DGKI: variants seen among roughly 807,000 people sequenced by gnomAD.
DGKI encodes DAG kinase iota.
In DGKI, 55 loss-of-function variants were observed where a neutral mutation model predicts 147.5. The ratio of observed to expected loss-of-function variants is 0.37; its 90% CI spans 0.30 to 0.47. The LOEUF (loss-of-function observed/expected upper bound fraction) is 0.47, where lower values mean the gene tolerates loss of function less well. Among genes scored for constraint, DGKI ranks in the 20% least tolerant of loss-of-function variants. The probability of loss-of-function intolerance (pLI) is 1.00; values close to 1 mark genes in which losing one functional copy is unlikely to be tolerated. For missense variants in DGKI, 1,007 were observed against 1,323.8 expected (o/e 0.76, Z 3.71); for synonymous variants, 469 against 477.1 (o/e 0.98, Z 0.22).
intron 1 of DGKI, among the ~76,000 whole-genome samples, chr7:137,841,523 T>C (rs1798543486): frequency 6.6e-6 from 1 of 152,232 alleles, no homozygotes; most frequent in Non-Finnish European, 1.5e-5. Flanking sequence ...GTCCCAAAAC[T>C]AGTTACAGGA....
At chr7:137,563,726 T>C (rs1818492671) in intron 19 of DGKI, among the ~76,000 whole-genome samples, 1 of 152,080 alleles carries the variant, frequency 6.6e-6, no homozygotes, top group Non-Finnish European at 1.5e-5. Context: ...GAAATAAATT[T>C]AACAAAAGGT....
chr7:137,539,799 G>A (rs1817629467), intron 20 of DGKI, among the ~76,000 whole-genome samples: 1 of 151,916 alleles, frequency 6.6e-6, no homozygotes, highest in African/African-American at 2.4e-5. Flanking sequence ...AAGAAAGTTA[G>A]TAAAACAAAA....
At chr7:137,642,140 G>A (rs1821650794) in intron 6 of DGKI, among the ~76,000 whole-genome samples, 1 of 152,156 alleles carries the variant, frequency 6.6e-6, no homozygotes, top group Non-Finnish European at 1.5e-5. Flanking sequence ...TGCCTCTCAA[G>A]TTTTACTCTC....
rs1816670986 is a variant in DGKI, at chr7:137,514,122, C to T, written c.2248+7744G>A. Among the ~76,000 whole-genome samples the T allele has an allele frequency of 1.3e-5, 2 of 152,048 alleles. 1 individual carries two copies. The highest frequency in any genetic ancestry group is 1.3e-4 in the Admixed American group (2 of 15,250). On this transcript the variant is annotated intron_variant, in intron 21 of 32. Transcript: ENST00000614521. ...CCCACCTTGCTCATGAACAAAATGC[C>T]CATGTTGGTCCTCTGCCCTGGACCT... is the stretch of plus-strand genomic sequence containing the variant.
At chr7:137,631,100 C>T (rs183919032) in intron 6 of DGKI, among the ~76,000 whole-genome samples, 7 of 152,102 alleles carry the variant, frequency 4.6e-5, no homozygotes, top group African/African-American at 1.4e-4. Context: ...ATAATCTTGC[C>T]GATGGTGTGA....
At chr7:137,787,028 G>A (rs570335751) in intron 1 of DGKI, among the ~76,000 whole-genome samples, 20 of 152,154 alleles carry the variant, frequency 1.3e-4, no homozygotes, top group African/African-American at 4.8e-4. Context: ...GATTATAGAA[G>A]ACAACATTGG....
intron 5 of DGKI, 88 bp downstream of exon 5, chr7:137,654,644 T>A: frequency 1.0e-6 from 1 of 991,238 alleles, no homozygotes; most frequent in Non-Finnish European, 1.6e-6. Context: ...ATAGAATTTA[T>A]TTTTTATTCC....
At chr7:137,405,525 G>A (rs1319204780) in intron 30 of DGKI, among the ~76,000 whole-genome samples, 2 of 152,208 alleles carry the variant, frequency 1.3e-5, no homozygotes, top group African/African-American at 4.8e-5. Context: ...ACTTTAAACT[G>A]CAGAGACCGG....
intron 28 of DGKI, among the ~76,000 whole-genome samples, chr7:137,424,276 G>GT (rs1812692496): frequency 2.0e-5 from 3 of 152,138 alleles, no homozygotes; most frequent in African/African-American, 7.2e-5. Context: ...CAGTGTATCA[G>GT]TAAGTCTTCA....
intron 16 of DGKI, among the ~76,000 whole-genome samples, chr7:137,577,997 C>T (rs1819047969): frequency 6.6e-6 from 1 of 152,152 alleles, no homozygotes; most frequent in Admixed American, 6.5e-5. Context: ...TCTCACATCC[C>T]TTTTTGAATA....
chr7:137,539,253 T>G (rs187193889), intron 20 of DGKI, among the ~76,000 whole-genome samples: 3 of 152,146 alleles, frequency 2.0e-5, no homozygotes, highest in African/African-American at 7.2e-5. Flanking sequence ...GCCCTGGACA[T>G]GAACACAGTT....
chr7:137,623,365 G>T, intron 7 of DGKI, 118 bp downstream of exon 7: 1 of 947,766 alleles, frequency 1.1e-6, no homozygotes, highest in East Asian at 2.4e-5. Flanking sequence ...TCCTATATGA[G>T]AAAAGCAATA....
chr7:137,560,358 G>T (rs184572654), intron 19 of DGKI, among the ~76,000 whole-genome samples: 3 of 152,214 alleles, frequency 2.0e-5, no homozygotes, highest in Admixed American at 2.0e-4. Flanking sequence ...TTAAATCCCA[G>T]AAGCAGAGAA....
chr7:137,420,979 A>C (rs1348735394), intron 28 of DGKI, among the ~76,000 whole-genome samples: 1 of 152,186 alleles, frequency 6.6e-6, no homozygotes, highest in Non-Finnish European at 1.5e-5. Flanking sequence ...AGATCACGCC[A>C]CTGCACTCCA....
chr7:137,678,456 A>G (rs969541223), intron 3 of DGKI, 101 bp downstream of exon 3: 98 of 1,103,812 alleles, frequency 8.9e-5, no homozygotes, highest in Non-Finnish European at 1.3e-4. Context: ...TCTCACAAGG[A>G]CAGGCTCGTT....
intron 1 of DGKI, among the ~76,000 whole-genome samples, chr7:137,716,877 A>G (rs984756377): frequency 1.3e-5 from 2 of 152,198 alleles, no homozygotes; most frequent in African/African-American, 4.8e-5. Flanking sequence ...CTTCTGGCCT[A>G]AGAAAATTTT....
chr7:137,626,530 G>A (rs762483972), intron 6 of DGKI, among the ~76,000 whole-genome samples: 5 of 152,114 alleles, frequency 3.3e-5, no homozygotes, highest in African/African-American at 4.8e-5. Context: ...TATTTTCCAA[G>A]ATGATGCTAA....
In DGKI at chr7:137,595,454, A is replaced by C. The variant is rs545306819; in HGVS notation, c.1311+2393T>G. Among the ~76,000 whole-genome samples the C allele has an allele frequency of 3.3e-5, 5 of 152,124 alleles. No homozygotes were observed. The East Asian group carries it at 9.7e-4, about 29-fold the overall frequency. ...AATGTAACTACTGCCTCTTTCTTGA[A>C]ACTCCTTTTTTGGTTTGTTTACTTG... is the stretch of plus-strand genomic sequence containing the variant. On this transcript the variant is annotated intron_variant, in intron 12 of 32. Transcript: ENST00000614521.
At chr7:137,527,515 T>A (rs117780624) in intron 20 of DGKI, among the ~76,000 whole-genome samples, 1,611 of 152,266 alleles carry the variant, frequency 0.011, 18 homozygotes, top group Non-Finnish European at 0.016. Context: ...TTTAAAGATA[T>A]TATGAATATA....
Sources: gnomAD v4.1 joint callset for allele counts (sites outside exome capture counted in the v4.1 genomes callset) on GRCh38, gnomAD v4.1.1 for gene constraint, MANE v1.5 for transcripts, NCBI Gene and HGNC (gene_info 2026-07-23, HGNC 2026-07-21) for gene names.